FHIT: variants seen among roughly 807,000 people sequenced by gnomAD.
The protein encoded by FHIT is bis(5'-adenosyl)-triphosphatase.
In FHIT, 19 loss-of-function variants were observed where a neutral mutation model predicts 17.9. The observed-to-expected ratio is 1.06, with a 90% CI of 0.74 to 1.56. The LOEUF is 1.56. Ranked by LOEUF, FHIT falls within the 40% of genes most tolerant of loss-of-function variation. The pLI, the probability that FHIT is intolerant of heterozygous loss-of-function variation, is 0.00. For synonymous variants in FHIT, 81 were observed against 69.7 expected (o/e 1.16, Z -0.81); for missense variants, 248 against 189.2 (o/e 1.31, Z -1.82).
At chr3:60,842,641 ATATATTTT>A (rs1702773598) in intron 3 of FHIT, among the ~76,000 whole-genome samples, 5 of 47,210 alleles carry the variant, frequency 1.1e-4, no homozygotes, top group African/African-American at 2.2e-4. Context: ...ATATATATAT[ATATATTTT>A]TTTTTTTTTT....
intron 5 of FHIT, among the ~76,000 whole-genome samples, chr3:60,372,367 T>C (rs3732551): frequency 0.59 from 89,509 of 152,040 alleles, 26,646 homozygotes; most frequent in East Asian, 0.68. Context: ...TAGGACATCA[T>C]TGGAAGGTTA....
intron 8 of FHIT, among the ~76,000 whole-genome samples, chr3:59,763,545 A>T (rs1683348): frequency 0.13 from 20,108 of 152,306 alleles, 1,556 homozygotes; most frequent in Non-Finnish European, 0.18. Context: ...ATGAACATGT[A>T]TTCAGTGTAT....
At chr3:60,496,175 AT>A (rs557110387) in intron 5 of FHIT, among the ~76,000 whole-genome samples, 1 of 152,158 alleles carries the variant, frequency 6.6e-6, no homozygotes, top group South Asian at 2.1e-4. Flanking sequence ...CAAAGGCACT[AT>A]CCCCTGTCCC....
chr3:61,170,886 G>A (rs572047559), intron 2 of FHIT, among the ~76,000 whole-genome samples: 1 of 152,038 alleles, frequency 6.6e-6, no homozygotes, highest in Non-Finnish European at 1.5e-5. Context: ...CAGGTATATA[G>A]CCAAGATTTT....
At chr3:59,928,631 A>G (rs541726764) in intron 7 of FHIT, among the ~76,000 whole-genome samples, 32 of 152,244 alleles carry the variant, frequency 2.1e-4, no homozygotes, top group Non-Finnish European at 4.0e-4. Context: ...ATACATGAAA[A>G]GATGCTCAAC....
chr3:60,651,094 A>C (rs1468226078), intron 4 of FHIT, among the ~76,000 whole-genome samples: 2 of 152,160 alleles, frequency 1.3e-5, no homozygotes, highest in East Asian at 3.8e-4. Context: ...TCCATGGTAT[A>C]GAGTGCCAAA....
At chr3:60,415,176 T>C (rs1342740516) in intron 5 of FHIT, among the ~76,000 whole-genome samples, 2 of 152,196 alleles carry the variant, frequency 1.3e-5, no homozygotes, top group African/African-American at 2.4e-5. Flanking sequence ...TAATCTCTTA[T>C]GGATTTTGAT....
At chr3:59,840,712 G>T (rs1249659434) in intron 8 of FHIT, among the ~76,000 whole-genome samples, 2 of 152,112 alleles carry the variant, frequency 1.3e-5, no homozygotes, top group Non-Finnish European at 2.9e-5. Flanking sequence ...CAGTACATAT[G>T]TTCAGAAAAA....
chr3:60,570,471 C>T (rs75883200), intron 4 of FHIT, among the ~76,000 whole-genome samples: 7,092 of 151,946 alleles, frequency 0.047, 320 homozygotes, highest in East Asian at 0.16. Context: ...GAGATAAGAA[C>T]CTGTAACTTA....
Position 60,373,116 on chromosome 3 carries a change from C to A in FHIT, c.103+163744G>T, listed in dbSNP as rs891298265. Among the ~76,000 whole-genome samples, 10 of 152,242 alleles carry A rather than the reference C, an allele frequency of 6.6e-5. 1 individual carries two copies. The highest frequency in any genetic ancestry group is 4.6e-4 in the Admixed American group (7 of 15,298). ...GGACATACTGATGTTAACACTGAGA[C>A]CCTACCTTGCCTTCAACAGCCTCTA... is the stretch of plus-strand genomic sequence containing the variant. On this transcript the variant is annotated intron_variant, in intron 5 of 9. Transcript: ENST00000492590.
chr3:60,564,970 G>A (rs1212048397), intron 4 of FHIT, among the ~76,000 whole-genome samples: 1 of 152,126 alleles, frequency 6.6e-6, no homozygotes, highest in African/African-American at 2.4e-5. Context: ...ATTAAAGGAA[G>A]AATCAATCAG....
At chr3:60,423,563 G>C (rs1451487342) in intron 5 of FHIT, among the ~76,000 whole-genome samples, 1 of 152,090 alleles carries the variant, frequency 6.6e-6, no homozygotes, top group Admixed American at 6.6e-5. Flanking sequence ...TAAACTAAAT[G>C]TTTAGTAATG....
chr3:59,923,277 A>G (rs1045347791), intron 7 of FHIT, among the ~76,000 whole-genome samples: 1 of 148,372 alleles, frequency 6.7e-6, no homozygotes, highest in Non-Finnish European at 1.5e-5. Context: ...GTCTACTATG[A>G]TCTCCACTTT....
chr3:60,170,210 A>T (rs1469156031), intron 5 of FHIT, among the ~76,000 whole-genome samples: 1 of 152,182 alleles, frequency 6.6e-6, no homozygotes, highest in Non-Finnish European at 1.5e-5. Context: ...AGATGGATGG[A>T]GGTAATCAGG....
intron 5 of FHIT, among the ~76,000 whole-genome samples, chr3:60,356,766 A>AAAAAAAAAAAAAAAAAAAAAAAG (rs1699680020): frequency 7.0e-6 from 1 of 143,492 alleles, no homozygotes; most frequent in Non-Finnish European, 1.5e-5. Context: ...AAAAAAAAAA[A>AAAAAAAAAAAAAAAAAAAAAAAG]AAAAAAAAAA....
At chr3:60,734,176 A>C (rs1553712028) in intron 4 of FHIT, among the ~76,000 whole-genome samples, 4 of 33,612 alleles carry the variant, frequency 1.2e-4, no homozygotes, top group African/African-American at 3.5e-4. Flanking sequence ...AGACATCATT[A>C]AGTGATCACA....
intron 5 of FHIT, among the ~76,000 whole-genome samples, chr3:60,149,894 A>C (rs1700389822): frequency 6.7e-6 from 1 of 149,926 alleles, no homozygotes; most frequent in African/African-American, 2.4e-5. Flanking sequence ...AAAGAGTTGT[A>C]ATGTCTACAG....
chr3:61,046,855 C>A (rs567581349), intron 2 of FHIT, among the ~76,000 whole-genome samples: 1 of 152,118 alleles, frequency 6.6e-6, no homozygotes, highest in African/African-American at 2.4e-5. Context: ...AATCAAAAAA[C>A]GTAATCCATC....
intron 5 of FHIT, among the ~76,000 whole-genome samples, chr3:60,085,243 G>A (rs1403476519): frequency 2.6e-5 from 4 of 152,162 alleles, no homozygotes; most frequent in East Asian, 1.9e-4. Flanking sequence ...GATAAAAGAC[G>A]GGTACAGACA....
Sources: gnomAD v4.1 joint callset for allele counts (sites outside exome capture counted in the v4.1 genomes callset) on GRCh38, gnomAD v4.1.1 for gene constraint, MANE v1.5 for transcripts, NCBI Gene and HGNC (gene_info 2026-07-23, HGNC 2026-07-21) for gene names.